LAT2: variants seen among roughly 807,000 people sequenced by gnomAD.
The protein encoded by LAT2 is linker for activation of T-cells family member 2.
Under a neutral mutation model 43.4 loss-of-function variants are expected in LAT2, and 23 were observed. The ratio of observed to expected loss-of-function variants is 0.53; its 90% confidence interval spans 0.38 to 0.75. The LOEUF is 0.75. Among genes scored for constraint, LAT2 ranks in the 30% least tolerant of loss-of-function variants. LAT2 has a pLI of 0.00. For missense variants in LAT2, 284 were observed against 310.2 expected, an observed-to-expected ratio of 0.92 and a Z score of 0.64; for synonymous variants, 128 against 123.2, an observed-to-expected ratio of 1.04 and a Z score of -0.26.
chr7:74,219,714 C>T, intron 4 of LAT2, 30 bp from the exon 5 acceptor site: 3 of 1,613,962 alleles, frequency 1.9e-6, no homozygotes, highest in Non-Finnish European at 1.7e-6. Flanking sequence ...GAGTCCAGGC[C>T]CAGGCTCAGC....
At chr7:74,212,061 A>T (rs1248293359) in intron 1 of LAT2, among the ~76,000 whole-genome samples, 1 of 151,972 alleles carries the variant, frequency 6.6e-6, no homozygotes, top group Non-Finnish European at 1.5e-5. Flanking sequence ...CTCTTGCCTC[A>T]GTGTCCCAAG....
At chr7:74,214,497 T>A (rs1289091637) in intron 1 of LAT2, among the ~76,000 whole-genome samples, 2 of 34,290 alleles carry the variant, frequency 5.8e-5, no homozygotes. Context: ...AATATATATA[T>A]AAATATATAT....
chr7:74,221,784 G>C (rs1392196410), intron 10 of LAT2, 92 bp downstream of exon 10: 28 of 1,160,268 alleles, frequency 2.4e-5, no homozygotes, highest in Non-Finnish European at 2.8e-5. Flanking sequence ...GGCTGGGCCT[G>C]GGTTCGGGTA....
In LAT2 at chr7:74,214,759, AT is replaced by A. The variant is rs1554713963; in HGVS notation, c.-218-62del. 372 of 89,488 alleles carry A rather than the reference AT, an allele frequency of 4.2e-3. 3 individuals carry two copies. Among genetic ancestry groups the A allele is most frequent in the African/African-American group, 0.019 (343 of 18,490 alleles). 5.5% of individuals were successfully genotyped at this position (89,488 alleles called of 1,614,324 possible). A position where few individuals can be genotyped will look rare whatever the true frequency, so the allele number is the denominator to read the frequency against. On this transcript the variant is annotated intron_variant, in intron 1 of 13. Coordinates refer to ENST00000460943, the MANE Select transcript of LAT2 (RefSeq NM_032464.3). ...TATAAAAATATATAAATATATATAT[AT>A]AAACATATATATATAAATATATATA... is the stretch of plus-strand genomic sequence containing the variant.
At chr7:74,219,630 C>A in intron 4 of LAT2, 114 bp from the exon 5 acceptor site, 1 of 1,286,076 alleles carries the variant, frequency 7.8e-7, no homozygotes, top group Non-Finnish European at 1.1e-6. Context: ...CACTGTCGCC[C>A]CAGTCCGTCC....
intron 1 of LAT2, among the ~76,000 whole-genome samples, chr7:74,212,929 C>T (rs553619836): frequency 4.6e-5 from 7 of 152,244 alleles, no homozygotes; most frequent in East Asian, 3.9e-4. Flanking sequence ...CTCTGTGATG[C>T]GCCTCTTACA....
chr7:74,219,009 CTTTTTTTTTTTTTTTTTTTTTTTT>C lies in LAT2; in HGVS notation c.135-720_135-697del, dbSNP rs781806954. On this transcript the variant is annotated intron_variant, in intron 4 of 13. Coordinates refer to ENST00000460943, the MANE Select transcript of LAT2 (RefSeq NM_032464.3). ...CACCATGCCGGGTCTAGAGTGTGTG[CTTTTTTTTTTTTTTTTTTTTTTTT>C]TTTTTTTTTTTTTTGAGACGGAGTC... Among the ~76,000 whole-genome samples, 67 of 48,802 alleles carry C rather than the reference CTTTTTTTTTTTTTTTTTTTTTTTT, an allele frequency of 1.4e-3. No homozygotes were observed. The East Asian group carries it at 0.033, about 24-fold the overall frequency. The allele number at this position is 48,802 out of a possible 152,430, so 32.0% of individuals were successfully genotyped here.
chr7:74,214,187 T>TGA (rs71094766), intron 1 of LAT2, among the ~76,000 whole-genome samples: 56 of 87,608 alleles, frequency 6.4e-4, no homozygotes, highest in East Asian at 1.8e-3. Context: ...AAAATATATA[T>TGA]AAATATATAT....
chr7:74,218,511 C>A (rs1554714546), intron 4 of LAT2, among the ~76,000 whole-genome samples: 2 of 152,196 alleles, frequency 1.3e-5, no homozygotes, highest in East Asian at 3.8e-4. Flanking sequence ...CGGCCCTCAT[C>A]TCTGCATTCC....
intron 4 of LAT2, among the ~76,000 whole-genome samples, chr7:74,217,558 C>T (rs947728667): frequency 1.3e-4 from 20 of 152,204 alleles, no homozygotes; most frequent in Non-Finnish European, 2.9e-4. Flanking sequence ...ACAGAGAACC[C>T]GGCACAGGGT....
intron 1 of LAT2, among the ~76,000 whole-genome samples, chr7:74,214,495 T>C (rs1282134308): frequency 2.7e-5 from 1 of 37,078 alleles, no homozygotes; most frequent in Non-Finnish European, 4.1e-5. Flanking sequence ...AAAATATATA[T>C]ATAAATATAT....
chr7:74,224,541 G>A (rs552752496), intron 12 of LAT2, 98 bp from the exon 13 acceptor site: 174 of 1,029,712 alleles, frequency 1.7e-4, no homozygotes, highest in Non-Finnish European at 2.4e-4. Context: ...CATTTCCCGC[G>A]GGCTGTTTTG....
chr7:74,222,386 G>A (rs1802320828), intron 10 of LAT2, among the ~76,000 whole-genome samples: 1 of 149,030 alleles, frequency 6.7e-6, no homozygotes, highest in Non-Finnish European at 1.5e-5. Flanking sequence ...GGGCAACAGA[G>A]TGAGACTCCA....
chr7:74,214,470 AAAT>A (rs1801912327), intron 1 of LAT2, among the ~76,000 whole-genome samples: 4 of 53,702 alleles, frequency 7.4e-5, no homozygotes, highest in African/African-American at 7.8e-5. Context: ...ATATATATAT[AAAT>A]ATATATATAT....
chr7:74,219,593 A>G (rs1449646327), intron 4 of LAT2, 151 bp from the exon 5 acceptor site: 3 of 927,932 alleles, frequency 3.2e-6, no homozygotes, highest in Admixed American at 3.5e-5. Flanking sequence ...CGTGAGAATG[A>G]GGCCTGAAAG....
In LAT2 at chr7:74,229,410, G is replaced by A. The variant is rs1417270547; in HGVS notation, c.*485G>A. ...CATATTTAACATTCTGGATTTCAGA[G>A]TAGAGATTTCTGTGTTGTCTCCTAG... On this transcript the variant is annotated 3_prime_UTR_variant, in exon 14 of 14. Transcript: ENST00000460943. 1 of 152,686 alleles carries A rather than the reference G, an allele frequency of 6.5e-6. No homozygotes were observed. The highest frequency in any genetic ancestry group is 2.4e-5 in the African/African-American group (1 of 41,458). The allele number at this position is 152,686 out of a possible 1,614,324, so 9.5% of individuals were successfully genotyped here.
rs34339569 is a variant in LAT2 at position 74,228,165 on chromosome 7, T to TAAA, written c.*19-751_*19-749dup. 1.1e-3 allele frequency among the ~76,000 whole-genome samples: 25 copies of TAAA among 22,430 alleles called. 4 individuals are homozygous for TAAA. The highest frequency in any genetic ancestry group is 2.1e-3 in the African/African-American group (21 of 9,860). 14.7% of individuals were successfully genotyped at this position (22,430 alleles called of 152,430 possible). A position where few individuals can be genotyped will look rare whatever the true frequency, so the allele number is the denominator to read the frequency against. ...CACTCCAGCCTGGGCAACTACGTCTTAAAAAAAAAAAAAAAAAAAAAAAAA... is the reference window on the plus strand; with the variant it reads ...CACTCCAGCCTGGGCAACTACGTCTTAAAAAAAAAAAAAAAAAAAAAAAAAAAA... On this transcript the variant is annotated intron_variant, in intron 13 of 13. Coordinates refer to ENST00000460943, the MANE Select transcript of LAT2 (RefSeq NM_032464.3).
At chr7:74,221,099 T>C (rs1802257209) in intron 9 of LAT2, among the ~76,000 whole-genome samples, 1 of 151,780 alleles carries the variant, frequency 6.6e-6, no homozygotes, top group African/African-American at 2.4e-5. Flanking sequence ...GGGCAAACGA[T>C]GGGGAATGGC....
At chr7:74,224,355 C>T (rs1802405775) in intron 12 of LAT2, among the ~76,000 whole-genome samples, 158 bp downstream of exon 12, 1 of 152,208 alleles carries the variant, frequency 6.6e-6, no homozygotes, top group Non-Finnish European at 1.5e-5. Flanking sequence ...TTGAACCACA[C>T]AGGACGGCCC....
Sources: allele counts gnomAD v4.1 joint callset (sites outside exome capture counted in the v4.1 genomes callset), GRCh38; gene constraint gnomAD v4.1.1; transcripts MANE v1.5; gene names NCBI Gene and HGNC (gene_info 2026-07-23, HGNC 2026-07-21).